DPH6: variants seen among roughly 807,000 people sequenced by gnomAD.
DPH6 encodes the protein diphthine--ammonia ligase.
A neutral mutation model predicts 38.2 loss-of-function variants in DPH6; 33 were observed. That is an observed-to-expected ratio of 0.86 (90% CI 0.65 to 1.15). DPH6 has a LOEUF of 1.15. Among genes scored for constraint, DPH6 ranks in the 50% most tolerant of loss-of-function variants. The probability of loss-of-function intolerance (pLI) is 0.00; values close to 1 mark genes in which losing one functional copy is unlikely to be tolerated. For synonymous variants in DPH6, 108 were observed against 103.0 expected (o/e 1.05, Z -0.30); for missense variants, 325 against 320.0 (o/e 1.02, Z -0.12).
At chr15:35,230,637 C>T (rs974479852) in intron 3 of DPH6, among the ~76,000 whole-genome samples, 4 of 152,200 alleles carry the variant, frequency 2.6e-5, no homozygotes, top group Admixed American at 1.3e-4. Flanking sequence ...ACCAGCAAGT[C>T]TCAGAATCTC....
At chr15:35,483,748 A>G (rs2054359987) in intron 3 of DPH6, among the ~76,000 whole-genome samples, 1 of 152,220 alleles carries the variant, frequency 6.6e-6, no homozygotes, top group South Asian at 2.1e-4. Flanking sequence ...GAACATTCAC[A>G]GCAGCATTAC....
At chr15:35,242,057 C>A (rs564460891) in intron 3 of DPH6, among the ~76,000 whole-genome samples, 2 of 143,598 alleles carry the variant, frequency 1.4e-5, no homozygotes, top group Admixed American at 7.4e-5. Flanking sequence ...TTGCACCCGT[C>A]ATCCCAGCCT....
At position 35,514,685 on chromosome 15, in the gene DPH6, A is replaced by G. The variant is rs191992171; in HGVS notation, c.312+23589T>C. ...GTTTATATGTAATTATCTGCCCTCTATTGGGGAAGACCAGGGGAGAGAAAC... is the reference window on the plus strand; with the variant it reads ...GTTTATATGTAATTATCTGCCCTCTGTTGGGGAAGACCAGGGGAGAGAAAC... On this transcript the variant is annotated intron_variant, in intron 3 of 8. Transcript: ENST00000256538. Among the ~76,000 whole-genome samples the G allele has an allele frequency of 2.0e-5, 3 of 152,278 alleles. No homozygotes were observed. The East Asian group carries it at 5.8e-4, about 29-fold the overall frequency.
intron 7 of DPH6, among the ~76,000 whole-genome samples, chr15:35,378,109 C>T (rs2052805882): frequency 6.6e-6 from 1 of 151,940 alleles, no homozygotes. Flanking sequence ...GTGGAATCTA[C>T]AAAGAACTTA....
intron 5 of DPH6, among the ~76,000 whole-genome samples, chr15:35,431,125 C>T (rs776300903): frequency 4.6e-5 from 7 of 152,010 alleles, no homozygotes; most frequent in Non-Finnish European, 1.0e-4. Flanking sequence ...AGTTATATAA[C>T]ACCCAAGATT....
At chr15:35,269,789 T>G (rs1251693703) in intron 3 of DPH6, among the ~76,000 whole-genome samples, 1 of 142,454 alleles carries the variant, frequency 7.0e-6, no homozygotes, top group East Asian at 2.4e-4. Context: ...AGGGTGTGTT[T>G]CTTTTTTTTT....
chr15:35,533,683 G>C (rs916827713), intron 3 of DPH6, among the ~76,000 whole-genome samples: 1 of 149,758 alleles, frequency 6.7e-6, no homozygotes, highest in African/African-American at 2.4e-5. Context: ...TATTATTTAT[G>C]TATTTAATAT....
At chr15:35,263,396 ATCT>A (rs2092859287) in intron 3 of DPH6, among the ~76,000 whole-genome samples, 1 of 145,718 alleles carries the variant, frequency 6.9e-6, no homozygotes, top group Non-Finnish European at 1.5e-5. Context: ...AACATAATTA[ATCT>A]TTTTTTTTTT....
At chr15:35,442,301 G>A (rs892038005) in intron 5 of DPH6, among the ~76,000 whole-genome samples, 1 of 152,230 alleles carries the variant, frequency 6.6e-6, no homozygotes. Context: ...AGCCATTAGA[G>A]AAATGCAAAA....
intron 3 of DPH6, among the ~76,000 whole-genome samples, chr15:35,535,190 A>G (rs1489447537): frequency 6.6e-6 from 1 of 152,168 alleles, no homozygotes; most frequent in Non-Finnish European, 1.5e-5. Flanking sequence ...GCATAAAGAC[A>G]CATCATAAAA....
chr15:35,440,287 C>A (rs2053770459), intron 5 of DPH6, among the ~76,000 whole-genome samples: 1 of 152,152 alleles, frequency 6.6e-6, no homozygotes, highest in Admixed American at 6.5e-5. Flanking sequence ...CCCCATGCAC[C>A]CAAATCTTAG....
At chr15:35,237,551 G>A in intron 3 of DPH6, 1 of 1,552,084 alleles carries the variant, frequency 6.4e-7, no homozygotes, top group Non-Finnish European at 8.9e-7. Context: ...CGATAACAGA[G>A]TCTCGGGGGG....
rs2052520147 is a variant in DPH6, at chr15:35,352,299, C to A, written n.207+21222G>T. On this transcript the variant is annotated intron_variant and non_coding_transcript_variant, in intron 3 of 3. Coordinates refer to the DPH6 transcript ENST00000558973. ...AACTCCTTCAATTTTTTTTATTATA[C>A]TTTAAGTTTTAGGGTACATGTGCAC... Among the ~76,000 whole-genome samples, 3 of 151,914 alleles carry A rather than the reference C, an allele frequency of 2.0e-5. No individual in the cohort carries two copies. The South Asian group carries it at 6.2e-4, about 32-fold the overall frequency.
downstream of DPH6, among the ~76,000 whole-genome samples, chr15:35,329,049 G>T (rs1476689674): frequency 6.6e-6 from 1 of 152,128 alleles, no homozygotes; most frequent in Non-Finnish European, 1.5e-5. Flanking sequence ...ATCTCCCACT[G>T]GGTCCCTCCC....
chr15:35,390,472 G>T (rs1229200151), intron 6 of DPH6, among the ~76,000 whole-genome samples: 1 of 152,120 alleles, frequency 6.6e-6, no homozygotes, highest in Non-Finnish European at 1.5e-5. Flanking sequence ...ATCACTTTCA[G>T]GTACACCAAT....
chr15:35,338,870 A>G (rs1295367618), intron 3 of DPH6, among the ~76,000 whole-genome samples: 3 of 152,316 alleles, frequency 2.0e-5, no homozygotes, highest in Admixed American at 2.0e-4. Flanking sequence ...TGATGAGTTC[A>G]TGTCCTTTGT....
intron 3 of DPH6, among the ~76,000 whole-genome samples, chr15:35,534,042 AT>A (rs1252681663): frequency 6.6e-6 from 1 of 152,070 alleles, no homozygotes; most frequent in East Asian, 1.9e-4. Flanking sequence ...AGCCTATAAC[AT>A]GAAAGAGAAG....
the DPH6 span, among the ~76,000 whole-genome samples, chr15:35,196,782 G>A: frequency 6.6e-6 from 1 of 152,082 alleles, no homozygotes; most frequent in Admixed American, 6.6e-5. Context: ...TCCACTGAAT[G>A]GACTTTAATT....
intron 3 of DPH6, among the ~76,000 whole-genome samples, chr15:35,502,804 C>A (rs1330230354): frequency 2.0e-5 from 3 of 150,868 alleles, no homozygotes; most frequent in Non-Finnish European, 4.4e-5. Flanking sequence ...AAGTAGGAAC[C>A]TAGATGCTTA....
Sources: gnomAD v4.1 joint callset for allele counts (sites outside exome capture counted in the v4.1 genomes callset) on GRCh38, gnomAD v4.1.1 for gene constraint, MANE v1.5 for transcripts, NCBI Gene and HGNC (gene_info 2026-07-23, HGNC 2026-07-21) for gene names.